The following PIAS1 variants were observed in gnomAD, a reference collection of about 807,000 sequenced individuals.
PIAS1 encodes the protein protein inhibitor of activated STAT 1.
PIAS1 carries 6 observed loss-of-function variants against 71.3 expected under a neutral mutation model. That is an observed-to-expected ratio of 0.08 (90% CI 0.05 to 0.17). The LOEUF (loss-of-function observed/expected upper bound fraction) is 0.17. Among genes scored for constraint, PIAS1 ranks in the 10% least tolerant of loss-of-function variants. PIAS1 has a pLI of 1.00. For synonymous variants in PIAS1, 303 were observed against 292.9 expected (o/e 1.03, Z -0.35); for missense variants, 555 against 793.6 (o/e 0.70, Z 3.61).
rs181899181 is a variant in PIAS1 at position 68,085,608 on chromosome 15, A to T, written c.25-698A>T. On this transcript the variant is annotated intron_variant, in intron 1 of 13. Coordinates refer to ENST00000249636, the MANE Select transcript of PIAS1 (RefSeq NM_016166.3). ...CAGACATATCTGGGTTTGAATCCTG[A>T]CTACTCCTTAGTAGCTTTATGGCTT... 2.0e-5 allele frequency among the ~76,000 whole-genome samples: 3 copies of T among 152,288 alleles called. No individual in the cohort carries two copies. In the East Asian group the frequency reaches 5.8e-4, roughly 29 times the overall value.
At chr15:68,164,874 A>G (rs2092947186) in intron 8 of PIAS1, 70 bp downstream of exon 8, 1 of 821,864 alleles carries the variant, frequency 1.2e-6, no homozygotes, top group Non-Finnish European at 2.0e-6. Flanking sequence ...AAGTATTTTT[A>G]CTATTTGAGA....
intron 2 of PIAS1, among the ~76,000 whole-genome samples, chr15:68,141,263 C>T (rs1365500104): frequency 1.3e-5 from 2 of 152,054 alleles, no homozygotes; most frequent in African/African-American, 4.8e-5. Flanking sequence ...ACTTTAGAAC[C>T]CCTGGTCTAG....
chr15:68,095,388 C>T (rs986934119), intron 2 of PIAS1, among the ~76,000 whole-genome samples: 1 of 151,776 alleles, frequency 6.6e-6, no homozygotes, highest in Non-Finnish European at 1.5e-5. Context: ...AATCATGGGG[C>T]ATGTGGTCAT....
At position 68,167,454 on chromosome 15, in the gene PIAS1, T is replaced by A. The variant is rs1232464505; in HGVS notation, c.1008+2650T>A. On this transcript the variant is annotated intron_variant, in intron 8 of 13. Transcript: ENST00000249636. This position sits in a 1 kb window ranked among gnomAD's most constrained non-coding sequence, Gnocchi z 4.4. Reference sequence around the variant, plus strand: ...CAGTTGCCCTTGTGATGTACAGAGCTCAAAATAAATGAGTTTCTTTTGTTT... The same window carrying A: ...CAGTTGCCCTTGTGATGTACAGAGCACAAAATAAATGAGTTTCTTTTGTTT... 6.6e-6 allele frequency among the ~76,000 whole-genome samples: 1 copy of A among 152,202 alleles called. No individual in the cohort carries two copies. The highest frequency in any genetic ancestry group is 2.4e-5 in the African/African-American group (1 of 41,464).
chr15:68,179,598 A>G (rs1595794405), intron 11 of PIAS1, among the ~76,000 whole-genome samples: 2 of 21,898 alleles, frequency 9.1e-5, no homozygotes, highest in Admixed American at 6.4e-4. Context: ...TTTTTGAGAC[A>G]GAGTTTCACT....
At chr15:68,165,949 C>T (rs1432409961) in intron 8 of PIAS1, among the ~76,000 whole-genome samples, 4 of 152,012 alleles carry the variant, frequency 2.6e-5, no homozygotes, top group African/African-American at 9.7e-5. Flanking sequence ...CTATTAATCT[C>T]AGATGATGAT....
intron 2 of PIAS1, among the ~76,000 whole-genome samples, chr15:68,097,753 A>C (rs759726952): frequency 3.3e-5 from 5 of 152,164 alleles, no homozygotes; most frequent in Non-Finnish European, 5.9e-5. Flanking sequence ...AATTTATTAA[A>C]TGCTTTTTCA....
intron 1 of PIAS1, among the ~76,000 whole-genome samples, chr15:68,058,999 A>AG: frequency 8.7e-6 from 1 of 114,632 alleles, no homozygotes; most frequent in African/African-American, 3.4e-5. Flanking sequence ...AGATTATTCT[A>AG]CTTTTTTTTT....
intron 1 of PIAS1, among the ~76,000 whole-genome samples, chr15:68,078,410 C>G (rs999107629): frequency 1.3e-5 from 2 of 152,128 alleles, no homozygotes; most frequent in African/African-American, 4.8e-5. Context: ...TTATTTCAGC[C>G]ATCCTATTGG....
At chr15:68,110,899 C>G (rs896630927) in intron 2 of PIAS1, among the ~76,000 whole-genome samples, 11 of 152,110 alleles carry the variant, frequency 7.2e-5, no homozygotes, top group African/African-American at 2.7e-4. Flanking sequence ...AGCATAATAC[C>G]TCAGGTTACC....
At chr15:68,122,269 C>T (rs2092619527) in intron 2 of PIAS1, among the ~76,000 whole-genome samples, 1 of 152,122 alleles carries the variant, frequency 6.6e-6, no homozygotes, top group Admixed American at 6.5e-5. Context: ...ATTGTAGTTC[C>T]ACCAGAAAGA....
intron 7 of PIAS1, among the ~76,000 whole-genome samples, chr15:68,163,952 C>T (rs1412412368): frequency 6.6e-6 from 1 of 152,148 alleles, no homozygotes; most frequent in African/African-American, 2.4e-5. Flanking sequence ...GAGGTAACAG[C>T]TAAGGTTTCC....
At chr15:68,119,264 A>AAG (rs2092593745) in intron 2 of PIAS1, among the ~76,000 whole-genome samples, 1 of 144,946 alleles carries the variant, frequency 6.9e-6, no homozygotes, top group Non-Finnish European at 1.5e-5. Context: ...AAAAAAAAAA[A>AAG]GTATATATAT....
chr15:68,101,631 G>T (rs1349563619), intron 2 of PIAS1, among the ~76,000 whole-genome samples: 1 of 151,518 alleles, frequency 6.6e-6, no homozygotes, highest in South Asian at 2.1e-4. Context: ...ACTGCGCCTG[G>T]CTTGTCTTCT....
chr15:68,091,496 T>A (rs2092332301), intron 2 of PIAS1, among the ~76,000 whole-genome samples: 1 of 152,182 alleles, frequency 6.6e-6, no homozygotes, highest in South Asian at 2.1e-4. Flanking sequence ...ATATCTTCCT[T>A]GACTCAGGTA....
At chr15:68,073,177 G>A (rs777564144) in intron 1 of PIAS1, among the ~76,000 whole-genome samples, 17 of 151,964 alleles carry the variant, frequency 1.1e-4, no homozygotes, top group Non-Finnish European at 2.1e-4. Flanking sequence ...CACCACGCCC[G>A]GCTCATTTTT....
chr15:68,189,999 G>A lies in PIAS1; in HGVS notation c.*2164G>A, dbSNP rs1348948004. On this transcript the variant is annotated 3_prime_UTR_variant, in exon 14 of 14. Transcript: ENST00000249636. Reference sequence around the variant, plus strand: ...CTAATTCAGCTGTCTTAGGTAAAATGAATAGTTTTCTTCCTGTTTTTTTAT... The same window carrying A: ...CTAATTCAGCTGTCTTAGGTAAAATAAATAGTTTTCTTCCTGTTTTTTTAT... The A allele has an allele frequency of 6.6e-6, 1 of 152,132 alleles. No homozygotes were observed. The highest frequency in any genetic ancestry group is 1.5e-5 in the Non-Finnish European group (1 of 68,022). 9.4% of individuals were successfully genotyped at this position (152,132 alleles called of 1,614,324 possible).
At chr15:68,066,710 G>A (rs1017824425) in intron 1 of PIAS1, among the ~76,000 whole-genome samples, 4 of 152,032 alleles carry the variant, frequency 2.6e-5, no homozygotes, top group African/African-American at 9.7e-5. Flanking sequence ...GTCAAAGTAA[G>A]ACTGGAAAAG....
intron 2 of PIAS1, among the ~76,000 whole-genome samples, chr15:68,116,449 T>A (rs1181047599): frequency 6.6e-6 from 1 of 152,148 alleles, no homozygotes; most frequent in African/African-American, 2.4e-5. Flanking sequence ...ATTCCTGATA[T>A]CGACAATCTA....
Sources: gnomAD v4.1 joint callset for allele counts (sites outside exome capture counted in the v4.1 genomes callset) on GRCh38, gnomAD v4.1.1 for gene constraint, Gnocchi (gnomAD v3.1) non-coding constraint, MANE v1.5 for transcripts, NCBI Gene and HGNC (gene_info 2026-07-23, HGNC 2026-07-21) for gene names.